KIAA0513: variants seen among roughly 807,000 people sequenced by gnomAD.
KIAA0513 encodes the protein uncharacterized protein KIAA0513.
KIAA0513 carries 39 observed loss-of-function variants against 56.5 expected under a neutral mutation model. That is an observed-to-expected ratio of 0.69 (90% CI 0.53 to 0.90). KIAA0513 has a LOEUF of 0.90. Ranked by LOEUF, KIAA0513 falls within the 40% of genes least tolerant of loss-of-function variation. The pLI, the probability that KIAA0513 is intolerant of heterozygous loss-of-function variation, is 0.00. For synonymous variants in KIAA0513, 268 were observed against 215.6 expected (o/e 1.24, Z -2.13); for missense variants, 591 against 535.2 (o/e 1.10, Z -1.03).
At position 85,069,242 on chromosome 16, in the gene KIAA0513, A is replaced by C. The variant is rs377540044; in HGVS notation, c.329+1842A>C. ...TTTTTCTTTTTGGAGGCAAGGTCTCACTCTGTCACCCAGGCTTGAGTGCAG... is the reference window on the plus strand; with the variant it reads ...TTTTTCTTTTTGGAGGCAAGGTCTCCCTCTGTCACCCAGGCTTGAGTGCAG... On this transcript the variant is annotated intron_variant, in intron 2 of 12. Coordinates refer to ENST00000683363, the MANE Select transcript of KIAA0513 (RefSeq NM_001388359.1). Among the ~76,000 whole-genome samples the C allele has an allele frequency of 2.8e-4, 42 of 148,974 alleles. No homozygotes were observed. The South Asian group carries it at 8.9e-3, about 32-fold the overall frequency.
chr16:85,068,219 C>T (rs1377142288), intron 2 of KIAA0513, among the ~76,000 whole-genome samples: 5 of 151,446 alleles, frequency 3.3e-5, no homozygotes, highest in African/African-American at 7.3e-5. Context: ...TGCAGTGGTG[C>T]GATTTCAGCT....
chr16:85,070,149 T>C (rs556718469), intron 2 of KIAA0513, among the ~76,000 whole-genome samples: 96 of 143,788 alleles, frequency 6.7e-4, no homozygotes, highest in African/African-American at 2.4e-3. Flanking sequence ...CCAGCCTGGG[T>C]GACAAAGGGA....
Position 85,067,266 on chromosome 16 carries a change from C to G in KIAA0513, c.195C>G (p.Ser65=). 6.2e-7 allele frequency: 1 copy of G among 1,614,070 alleles called. No individual in the cohort carries two copies. Among genetic ancestry groups the G allele is most frequent in the South Asian group, 1.1e-5 (1 of 91,086 alleles). ...NDMGESPSHP[S]WDQDRRSSSN... ...TGGGCGAGTCGCCCTCGCACCCGTC[C>G]TGGGACCAAGACCGCCGTTCCTCCT... The change falls in exon 2 of 13, where the codon TCC becomes TCG. Residue 65 remains serine, a synonymous_variant. Transcript: ENST00000683363.
At chr16:85,049,009 A>G (rs1353638061) in intron 1 of KIAA0513, among the ~76,000 whole-genome samples, 1 of 152,222 alleles carries the variant, frequency 6.6e-6, no homozygotes, top group Non-Finnish European at 1.5e-5. Context: ...CGGCCTGATT[A>G]GGGCAGAAGT....
rs574632998 is a variant in KIAA0513, at chr16:85,029,166, A to T, written c.-173+1308A>T. Among the ~76,000 whole-genome samples, 14 of 152,352 alleles carry T rather than the reference A, an allele frequency of 9.2e-5. 1 individual carries two copies. The South Asian group carries it at 2.9e-3, about 32-fold the overall frequency. On this transcript the variant is annotated intron_variant, in intron 1 of 12. Transcript: ENST00000683363. Reference sequence around the variant, plus strand: ...AGGACTGCTTACGCCTTTGAAACACAGGACGAAAGGCTATTGAAATTGGCT... The same window carrying T: ...AGGACTGCTTACGCCTTTGAAACACTGGACGAAAGGCTATTGAAATTGGCT...
chr16:85,070,013 C>A (rs28477569), intron 2 of KIAA0513, among the ~76,000 whole-genome samples: 10,014 of 149,720 alleles, frequency 0.067, 1,085 homozygotes, highest in African/African-American at 0.22. Context: ...AAAAAAAAAA[C>A]CACAAAAATT....
At chr16:85,070,445 A>G (rs2073556150) in intron 2 of KIAA0513, among the ~76,000 whole-genome samples, 1 of 152,162 alleles carries the variant, frequency 6.6e-6, no homozygotes, top group South Asian at 2.1e-4. Context: ...TTGGGAGGCG[A>G]GGCAGGTGTA....
chr16:85,031,316 A>T (rs541489309), intron 1 of KIAA0513, among the ~76,000 whole-genome samples: 37 of 152,240 alleles, frequency 2.4e-4, no homozygotes, highest in African/African-American at 8.9e-4. Context: ...CCCCGTCTTT[A>T]CCAAAAAATA....
At chr16:85,033,490 C>T (rs1474760954) in intron 1 of KIAA0513, among the ~76,000 whole-genome samples, 2 of 152,244 alleles carry the variant, frequency 1.3e-5, no homozygotes, top group African/African-American at 4.8e-5. Context: ...CGATGCCCTG[C>T]CACTTAGGCA....
At chr16:85,055,479 C>A (rs566899867) in intron 1 of KIAA0513, among the ~76,000 whole-genome samples, 10 of 152,312 alleles carry the variant, frequency 6.6e-5, no homozygotes, top group Non-Finnish European at 8.8e-5. Flanking sequence ...AAAGTGAAGT[C>A]CCTTGCTAAA....
chr16:85,058,780 C>T (rs2073364871), intron 1 of KIAA0513, among the ~76,000 whole-genome samples: 1 of 152,268 alleles, frequency 6.6e-6, no homozygotes, highest in African/African-American at 2.4e-5. Context: ...TAATCAGTGT[C>T]ATTGCATACG....
At chr16:85,029,743 G>A (rs1422270274) in intron 1 of KIAA0513, among the ~76,000 whole-genome samples, 1 of 152,242 alleles carries the variant, frequency 6.6e-6, no homozygotes, top group African/African-American at 2.4e-5. Context: ...TCAACCAGCA[G>A]CAGGAAAGAC....
chr16:85,040,101 T>A (rs1179887041), intron 1 of KIAA0513, among the ~76,000 whole-genome samples: 1 of 152,218 alleles, frequency 6.6e-6, no homozygotes, highest in Non-Finnish European at 1.5e-5. Context: ...CCCAAAGTGC[T>A]GGGATTACAG....
In KIAA0513 at chr16:85,090,563, A is replaced by G. The variant is rs1470465354; in HGVS notation, c.*2238A>G. The G allele has an allele frequency of 2.6e-5, 4 of 152,180 alleles. No individual in the cohort carries two copies. Among genetic ancestry groups the G allele is most frequent in the African/African-American group, 4.8e-5 (2 of 41,448 alleles). The allele number at this position is 152,180 out of a possible 1,614,324, so 9.4% of individuals were successfully genotyped here. On this transcript the variant is annotated 3_prime_UTR_variant, in exon 13 of 13. Coordinates refer to ENST00000683363, the MANE Select transcript of KIAA0513 (RefSeq NM_001388359.1). ...ATGGTCTTGACACTTTTTTCTCCAC[A>G]TAGACTCTTGAAATAGCCATTTCAG...
At chr16:85,055,964 A>G (rs11647328) in intron 1 of KIAA0513, among the ~76,000 whole-genome samples, 1 of 151,884 alleles carries the variant, frequency 6.6e-6, no homozygotes, top group East Asian at 1.9e-4. Flanking sequence ...CTTTCCCTCC[A>G]GTGTCTCCCC....
At chr16:85,033,847 A>G (rs1375509123) in intron 1 of KIAA0513, among the ~76,000 whole-genome samples, 1 of 152,162 alleles carries the variant, frequency 6.6e-6, no homozygotes, top group Admixed American at 6.5e-5. Context: ...AATGATACAG[A>G]AAGATGTCGT....
At position 85,067,162 on chromosome 16, in the gene KIAA0513, C is replaced by T; in HGVS notation, c.91C>T (p.Leu31=). Residue 31 remains leucine, a synonymous_variant, in exon 2 of 13, where the codon CTG becomes TTG. Transcript: ENST00000683363. ...TCCCCTGGAGGCACCACCCCCTGTG[C>T]TGCAGGACGGCGATGGCTCCCTGGG... ...SSPLEAPPPV[L]QDGDGSLGDG... is the part of the protein sequence containing the mutation. 6.2e-7 allele frequency: 1 copy of T among 1,614,148 alleles called. No individual in the cohort carries two copies.
Position 85,093,325 on chromosome 16 carries a change from C to G in KIAA0513, c.*5000C>G, listed in dbSNP as rs1430579909. On this transcript the variant is annotated 3_prime_UTR_variant, in exon 13 of 13. Transcript: ENST00000683363. ...AATTCACCATATCCAAGGGGAGAGA[C>G]GATGGGCTGGGTTTGTTTACTCCAA... 1 of 152,196 alleles carries G rather than the reference C, an allele frequency of 6.6e-6. No homozygotes were observed. Among genetic ancestry groups the G allele is most frequent in the Non-Finnish European group, 1.5e-5 (1 of 68,026 alleles). The allele number at this position is 152,196 out of a possible 1,614,324, so 9.4% of individuals were successfully genotyped here.
At position 85,076,040 on chromosome 16, in the gene KIAA0513, G is replaced by A; in HGVS notation, c.574+126G>A. On this transcript the variant is annotated intron_variant, in intron 5 of 12. Coordinates refer to ENST00000683363, the MANE Select transcript of KIAA0513 (RefSeq NM_001388359.1). This position sits in a 1 kb window ranked among gnomAD's most constrained non-coding sequence, Gnocchi z 4.7. ...GGGCCTCCAGAGAACAGAGGAAGCT[G>A]ATGTTAGGGAGGAGTGAGACTTCGG... 1.4e-6 allele frequency: 1 copy of A among 693,542 alleles called. No homozygotes were observed. The highest frequency in any genetic ancestry group is 2.6e-6 in the Non-Finnish European group (1 of 388,312). 43.0% of individuals were successfully genotyped at this position (693,542 alleles called of 1,614,324 possible). A position where few individuals can be genotyped will look rare whatever the true frequency, so the allele number is the denominator to read the frequency against.
Sources: gnomAD v4.1 joint callset for allele counts (sites outside exome capture counted in the v4.1 genomes callset) on GRCh38, gnomAD v4.1.1 for gene constraint, Gnocchi (gnomAD v3.1) non-coding constraint, MANE v1.5 for transcripts, NCBI Gene and HGNC (gene_info 2026-07-23, HGNC 2026-07-21) for gene names.